The following PRR29 variants were observed in gnomAD, a reference collection of about 807,000 sequenced individuals.
PRR29 encodes the protein proline rich 29.
Under a neutral mutation model 25.1 loss-of-function variants are expected in PRR29, and 20 were observed. That is an observed-to-expected ratio of 0.80 (90% CI 0.56 to 1.16). The LOEUF is 1.16. Ranked by LOEUF, PRR29 falls within the 50% of genes most tolerant of loss-of-function variation. The probability of loss-of-function intolerance (pLI) is 0.00; values close to 1 mark genes in which losing one functional copy is unlikely to be tolerated. For synonymous variants in PRR29, 108 were observed against 102.6 expected (o/e 1.05, Z -0.32); for missense variants, 238 against 246.6 (o/e 0.97, Z 0.23).
chr17:64,001,793 C>T lies in PRR29; in HGVS notation c.*32C>T, dbSNP rs768333101. 5.5e-5 allele frequency: 85 copies of T among 1,537,036 alleles called. No individual in the cohort carries two copies. The Middle Eastern group carries it at 8.3e-4, about 15-fold the overall frequency. The stretch of plus-strand genomic sequence containing the variant: ...ACCCCGGCCCTGGGAACTGCACCAG[C>T]TTCCTGCTCTGGATACAGCCCCGGA... On this transcript the variant is annotated 3_prime_UTR_variant, in exon 6 of 6. Transcript: ENST00000412177.
intron 3 of PRR29, chr17:63,999,522 C>T: frequency 5.5e-6 from 1 of 182,512 alleles, no homozygotes; most frequent in Non-Finnish European, 1.2e-5. Flanking sequence ...CACAAGTGCA[C>T]ATAGGGTTGG....
intron 2 of PRR29, 22 bp from the exon 3 acceptor site, chr17:63,998,946 C>G: frequency 6.5e-7 from 1 of 1,534,772 alleles, no homozygotes; most frequent in South Asian, 1.2e-5. Flanking sequence ...CCGGCGTGGG[C>G]TTGCTGAACC....
Position 64,002,929 on chromosome 17 carries a change from G to A in PRR29, c.*1168G>A. On this transcript the variant is annotated 3_prime_UTR_variant, in exon 6 of 6. Transcript: ENST00000412177. ...ATCTGGCTGTCCGACACAGGCTCTGGGGAGGGAGGGGGCAAGGGTCTTAGA... is the reference window on the plus strand; with the variant it reads ...ATCTGGCTGTCCGACACAGGCTCTGAGGAGGGAGGGGGCAAGGGTCTTAGA... 4.3e-6 allele frequency: 7 copies of A among 1,612,676 alleles called. No individual in the cohort carries two copies. The highest frequency in any genetic ancestry group is 5.9e-6 in the Non-Finnish European group (7 of 1,179,216).
At position 64,001,202 on chromosome 17, in the gene PRR29, G is replaced by GTGCCCTGC. The variant is rs1910706175; in HGVS notation, c.370_377dup (p.Trp126CysfsTer35). 1.3e-6 allele frequency: 2 copies of GTGCCCTGC among 1,537,296 alleles called. No individual in the cohort carries two copies. The highest frequency in any genetic ancestry group is 1.7e-6 in the Non-Finnish European group (2 of 1,146,952). ...TTGCCCTATTTGATGCCCTCCCCGG[G>GTGCCCTGC]TGCCCTGCTGCCCTGGCCAGCCCCC... On this transcript the variant is annotated frameshift_variant, in exon 4 of 6. Coordinates refer to ENST00000412177, the MANE Select transcript of PRR29 (RefSeq NM_001164257.2). LOFTEE classifies it high-confidence loss of function.
chr17:64,003,114 G>T lies in PRR29; in HGVS notation c.*1353G>T. On this transcript the variant is annotated 3_prime_UTR_variant, in exon 6 of 6. Coordinates refer to ENST00000412177, the MANE Select transcript of PRR29 (RefSeq NM_001164257.2). ...CATTAAAATTATTATCTGGAAAAAA[G>T]GTGGCCCAGGGCTCAGGCTACCAGC... 1 of 575,768 alleles carries T rather than the reference G, an allele frequency of 1.7e-6. No individual in the cohort carries two copies. Among genetic ancestry groups the T allele is most frequent in the Non-Finnish European group, 3.1e-6 (1 of 325,346 alleles). 35.7% of individuals were successfully genotyped at this position (575,768 alleles called of 1,614,324 possible). A position where few individuals can be genotyped will look rare whatever the true frequency, so the allele number is the denominator to read the frequency against.
chr17:64,001,582 A>G, intron 5 of PRR29, 45 bp downstream of exon 5: 1 of 1,490,238 alleles, frequency 6.7e-7, no homozygotes, highest in Non-Finnish European at 8.9e-7. Context: ...CTGGGAGTGA[A>G]TCAGGAGGCC....
chr17:64,000,352 C>T (rs911600609), intron 3 of PRR29, among the ~76,000 whole-genome samples: 12 of 151,976 alleles, frequency 7.9e-5, no homozygotes, highest in South Asian at 4.1e-4. Context: ...TTTTTTGAGA[C>T]GGAGTCTCTC....
chr17:63,998,364 C>G lies in PRR29; in HGVS notation c.-1C>G. The G allele has an allele frequency of 1.3e-6, 2 of 1,531,442 alleles. No individual in the cohort carries two copies. Among genetic ancestry groups the G allele is most frequent in the Non-Finnish European group, 1.7e-6 (2 of 1,144,782 alleles). 94.9% of individuals were successfully genotyped at this position (1,531,442 alleles called of 1,614,324 possible). On this transcript the variant is annotated 5_prime_UTR_variant, in exon 1 of 6. Transcript: ENST00000412177. ...CGTCGCCAAGGCAACCGGCGCCAGCCATGGCCTCTGGGGCGGGCGGAAGCT... is the reference window on the plus strand; with the variant it reads ...CGTCGCCAAGGCAACCGGCGCCAGCGATGGCCTCTGGGGCGGGCGGAAGCT...
Position 64,003,971 on chromosome 17 carries a change from G to C in PRR29, c.*2210G>C. The C allele has an allele frequency of 6.2e-7, 1 of 1,601,750 alleles. No homozygotes were observed. The highest frequency in any genetic ancestry group is 8.5e-7 in the Non-Finnish European group (1 of 1,173,926). On this transcript the variant is annotated 3_prime_UTR_variant, in exon 6 of 6. Coordinates refer to ENST00000412177, the MANE Select transcript of PRR29 (RefSeq NM_001164257.2). ...ATGACCTGCCTTGGAGGCTCTGCAGGGGACAAAGGAGGGAGGTCTGGTCAG... is the reference window on the plus strand; with the variant it reads ...ATGACCTGCCTTGGAGGCTCTGCAGCGGACAAAGGAGGGAGGTCTGGTCAG...
chr17:64,004,110 G>T lies in PRR29; in HGVS notation c.*2349G>T. The T allele has an allele frequency of 1.6e-6, 1 of 627,564 alleles. No homozygotes were observed. Among genetic ancestry groups the T allele is most frequent in the Non-Finnish European group, 2.8e-6 (1 of 360,108 alleles). 38.9% of individuals were successfully genotyped at this position (627,564 alleles called of 1,614,324 possible). A position where few individuals can be genotyped will look rare whatever the true frequency, so the allele number is the denominator to read the frequency against. ...CCGGCTCCAGTGCAGAGAGGAAGAG[G>T]GCAGCAGTTGAGGATGGAGGCTGGA... On this transcript the variant is annotated 3_prime_UTR_variant, in exon 6 of 6. Coordinates refer to ENST00000412177, the MANE Select transcript of PRR29 (RefSeq NM_001164257.2).
intron 2 of PRR29, 63 bp downstream of exon 2, chr17:63,998,845 C>A: frequency 8.6e-7 from 1 of 1,163,186 alleles, no homozygotes; most frequent in Non-Finnish European, 1.2e-6. Context: ...TCTTCTGCCT[C>A]GCACATCCTC....
intron 3 of PRR29, among the ~76,000 whole-genome samples, chr17:64,000,161 G>A (rs190372644): frequency 2.6e-5 from 4 of 152,256 alleles, no homozygotes; most frequent in Admixed American, 6.5e-5. Context: ...GGGTGAGGCC[G>A]GGGACAGCTC....
At chr17:64,000,715 CG>C (rs2092935078) in intron 3 of PRR29, 1 of 215,490 alleles carries the variant, frequency 4.6e-6, no homozygotes, top group East Asian at 1.0e-4. Flanking sequence ...TGCAGTAGCT[CG>C]ATCTCTGCTC....
chr17:63,998,440 G>A lies in PRR29; in HGVS notation c.60+16G>A. The A allele has an allele frequency of 1.4e-6, 2 of 1,472,598 alleles. No homozygotes were observed. The highest frequency in any genetic ancestry group is 1.3e-5 in the South Asian group (1 of 75,146). 91.2% of individuals were successfully genotyped at this position (1,472,598 alleles called of 1,614,324 possible). On this transcript the variant is annotated intron_variant, in intron 1 of 5. Transcript: ENST00000412177. ...AGTCCCGACGGTGAGGGCTGAGCCC[G>A]GGAGCAGATCCTGCCTTAGCTTGGG... is the stretch of plus-strand genomic sequence containing the variant.
intron 3 of PRR29, chr17:63,999,905 TGGGG>T (rs1464293541): frequency 6.5e-6 from 1 of 153,276 alleles, no homozygotes; most frequent in African/African-American, 2.4e-5. Flanking sequence ...TGTGTGCAAG[TGGGG>T]GTGTGTGCAA....
At position 63,999,052 on chromosome 17, in the gene PRR29, G is replaced by C. The variant is rs1345574462; in HGVS notation, c.221G>C (p.Arg74Pro). 6 of 1,535,808 alleles carry C rather than the reference G, an allele frequency of 3.9e-6. No individual in the cohort carries two copies. The highest frequency in any genetic ancestry group is 5.2e-6 in the Non-Finnish European group (6 of 1,146,722). ...SRLVAGALQP[R>P]PASPCPQVYL... The stretch of plus-strand genomic sequence containing the variant: ...CTGGTGGCTGGAGCGCTGCAGCCCC[G>C]GCCTGCCTCGCCCTGCCCTCAGGTG... The change falls in exon 3 of 6, where the codon CGG (arginine) becomes CCG (proline). Residue 74 changes from arginine to proline, a missense_variant. By Grantham distance (103) the Arg-to-Pro change is moderately radical. Transcript: ENST00000412177.
Position 63,999,866 on chromosome 17 carries a change from G to A in PRR29, c.243+792G>A, listed in dbSNP as rs375421314. ...GCGGGTTGTGAAGGCAAGTGTGTGCGTGCAAGCAAGTGTGTGCGTGCAAGC... is the reference window on the plus strand; with the variant it reads ...GCGGGTTGTGAAGGCAAGTGTGTGCATGCAAGCAAGTGTGTGCGTGCAAGC... On this transcript the variant is annotated intron_variant, in intron 3 of 5. Coordinates refer to ENST00000412177, the MANE Select transcript of PRR29 (RefSeq NM_001164257.2). 3.6e-4 allele frequency: 51 copies of A among 141,652 alleles called. No individual in the cohort carries two copies. In the South Asian group the frequency reaches 0.011, roughly 29 times the overall value. 8.8% of individuals were successfully genotyped at this position (141,652 alleles called of 1,614,324 possible).
chr17:63,998,875 ACCCG>A (rs1370152185), intron 2 of PRR29, 89 bp from the exon 3 acceptor site: 49 of 1,347,594 alleles, frequency 3.6e-5, no homozygotes, highest in Admixed American at 2.0e-5. Flanking sequence ...CCGCAGCACA[ACCCG>A]CCAACCCATT....
intron 1 of PRR29, 27 bp downstream of exon 1, chr17:63,998,451 C>T (rs1225416083): frequency 6.8e-7 from 1 of 1,460,272 alleles, no homozygotes; most frequent in Non-Finnish European, 9.0e-7. Flanking sequence ...GGAGCAGATC[C>T]TGCCTTAGCT....
Sources: allele counts gnomAD v4.1 joint callset (sites outside exome capture counted in the v4.1 genomes callset), GRCh38; gene constraint gnomAD v4.1.1; transcripts MANE v1.5; gene names NCBI Gene and HGNC (gene_info 2026-07-23, HGNC 2026-07-21).